The following MDN1 variants were observed in gnomAD, a reference collection of about 807,000 sequenced individuals.
MDN1 encodes the protein midasin.
In MDN1, 266 loss-of-function variants were observed where a neutral mutation model predicts 669.2. That is an observed-to-expected ratio of 0.40 (90% CI 0.36 to 0.44). The LOEUF (loss-of-function observed/expected upper bound fraction) is 0.44. Among genes scored for constraint, MDN1 ranks in the 20% least tolerant of loss-of-function variants. MDN1 has a pLI of 1.00. For missense variants in MDN1, 5,940 were observed against 6,754.0 expected (o/e 0.88, Z 4.22); for synonymous variants, 2,385 against 2,457.1 (o/e 0.97, Z 0.87).
chr6:89,669,739 G>T (rs1207978639), intron 83 of MDN1, among the ~76,000 whole-genome samples: 1 of 152,098 alleles, frequency 6.6e-6, no homozygotes, highest in Non-Finnish European at 1.5e-5. Flanking sequence ...GTGAGGTTAA[G>T]AGAGACCGAG....
At chr6:89,743,077 C>G in intron 31 of MDN1, 73 bp downstream of exon 31, 4 of 1,559,980 alleles carry the variant, frequency 2.6e-6, no homozygotes, top group Non-Finnish European at 2.6e-6. Flanking sequence ...AGTGAGAACA[C>G]TGTCTCAGGG....
Position 89,683,350 on chromosome 6 carries a change from G to C in MDN1, c.11904-20C>G. 6.2e-7 allele frequency: 1 copy of C among 1,607,068 alleles called. No individual in the cohort carries two copies. The highest frequency in any genetic ancestry group is 8.5e-7 in the Non-Finnish European group (1 of 1,175,622). ...AGTGTCCTGTCCCCAGGTAATGACA[G>C]AGATAAGAAGAAAAAAACTGGATTA... On this transcript the variant is annotated intron_variant, in intron 72 of 101. Coordinates refer to ENST00000369393, the MANE Select transcript of MDN1 (RefSeq NM_014611.3).
Position 89,793,918 on chromosome 6 carries a change from C to G in MDN1, c.699G>C (p.Lys233Asn), listed in dbSNP as rs763734582. Reference sequence around the variant, plus strand: ...CTTCTGGATTGGCCAAAACCAAGGCCTTCTCCAAGTCCTGCAACTGGGCCT... The same window carrying G: ...CTTCTGGATTGGCCAAAACCAAGGCGTTCTCCAAGTCCTGCAACTGGGCCT... The part of the protein sequence containing the change: ...LEEAQLQDLE[K>N]ALVLANPEVS... The change falls in exon 5 of 102, where the codon AAG (lysine) becomes AAC (asparagine). Residue 233 changes from lysine to asparagine, a missense_variant. Coordinates refer to ENST00000369393, the MANE Select transcript of MDN1 (RefSeq NM_014611.3). The G allele has an allele frequency of 1.9e-6, 3 of 1,614,008 alleles. No homozygotes were observed. The highest frequency in any genetic ancestry group is 2.5e-6 in the Non-Finnish European group (3 of 1,179,918).
At chr6:89,716,568 C>A in intron 44 of MDN1, 82 bp downstream of exon 44, 2 of 1,451,860 alleles carry the variant, frequency 1.4e-6, no homozygotes, top group South Asian at 1.4e-5. Flanking sequence ...TTCAAAATAC[C>A]AGCACTTCTA....
intron 58 of MDN1, 23 bp downstream of exon 58, chr6:89,699,578 T>A (rs1469729037): frequency 1.2e-6 from 2 of 1,603,268 alleles, no homozygotes; most frequent in Non-Finnish European, 1.7e-6. Context: ...TAAAGGAGGC[T>A]TATGTCTTAT....
chr6:89,756,110 A>T (rs747024125), intron 20 of MDN1, among the ~76,000 whole-genome samples, 167 bp downstream of exon 20: 1 of 152,254 alleles, frequency 6.6e-6, no homozygotes, highest in Non-Finnish European at 1.5e-5. Context: ...AAAAACCTAA[A>T]GGAGTTCATA....
Position 89,672,255 on chromosome 6 carries a change from T to C in MDN1, c.13739A>G (p.Glu4580Gly), listed in dbSNP as rs1810848305. The C allele has an allele frequency of 1.9e-6, 3 of 1,612,082 alleles. No individual in the cohort carries two copies. The highest frequency in any genetic ancestry group is 2.5e-6 in the Non-Finnish European group (3 of 1,179,634). The change falls in exon 82 of 102, where the codon GAG becomes GGG. Residue 4580 changes from glutamate to glycine, a missense_variant. Glu to Gly is a moderately conservative substitution (Grantham distance 98, BLOSUM62 -2). Transcript: ENST00000369393. ...GTACGATTTCAGCCTCTCCAACAGC[T>C]CGGAGATGGCAGAAATTATTTTCTG... is the stretch of plus-strand genomic sequence containing the variant. ...HVQKIISAIS[E>G]LLERLKSYGE...
chr6:89,748,858 G>A (rs1308215246), intron 26 of MDN1, among the ~76,000 whole-genome samples: 3 of 151,156 alleles, frequency 2.0e-5, no homozygotes, highest in Non-Finnish European at 2.9e-5. Context: ...CCAGGAGTTC[G>A]AGACCAGCCG....
chr6:89,688,497 C>G (rs925976506), intron 66 of MDN1, 76 bp downstream of exon 66: 2 of 1,374,028 alleles, frequency 1.5e-6, no homozygotes, highest in Non-Finnish European at 2.0e-6. Context: ...GTGGGTGCCC[C>G]CAGGGATAAT....
At chr6:89,662,052 G>A (rs1275869930) in intron 87 of MDN1, 35 bp downstream of exon 87, 1 of 1,592,882 alleles carries the variant, frequency 6.3e-7, no homozygotes, top group Non-Finnish European at 8.5e-7. Flanking sequence ...CTGGCCTTGA[G>A]TCAAGAGAGC....
intron 37 of MDN1, 146 bp from the exon 38 acceptor site, chr6:89,725,542 G>A: frequency 1.3e-6 from 1 of 748,034 alleles, no homozygotes; most frequent in Non-Finnish European, 2.1e-6. Flanking sequence ...TGTATTTTTG[G>A]CTGAGTTATG....
At chr6:89,679,510 G>A (rs1811455141) in intron 74 of MDN1, among the ~76,000 whole-genome samples, 1 of 152,184 alleles carries the variant, frequency 6.6e-6, no homozygotes, top group Non-Finnish European at 1.5e-5. Context: ...TGGAGACAGG[G>A]CCTTTAGAGA....
chr6:89,716,390 C>T (rs996640679), intron 44 of MDN1, among the ~76,000 whole-genome samples: 1 of 152,208 alleles, frequency 6.6e-6, no homozygotes, highest in Non-Finnish European at 1.5e-5. Flanking sequence ...ACTCAAAGGA[C>T]ATTGCCAGGA....
At chr6:89,808,616 C>T (rs138916360) in intron 1 of MDN1, among the ~76,000 whole-genome samples, 1 of 152,246 alleles carries the variant, frequency 6.6e-6, no homozygotes, top group East Asian at 1.9e-4. Context: ...GAGCTGTTCC[C>T]TCCATTCCAA....
chr6:89,701,502 G>A (rs1429594737), intron 55 of MDN1, 56 bp downstream of exon 55: 64 of 1,593,750 alleles, frequency 4.0e-5, no homozygotes, highest in Non-Finnish European at 5.2e-5. Flanking sequence ...AGTTCCAAAA[G>A]GACTTCAGAA....
At chr6:89,764,085 G>A (rs1310620319) in intron 15 of MDN1, among the ~76,000 whole-genome samples, 1 of 152,104 alleles carries the variant, frequency 6.6e-6, no homozygotes, top group Non-Finnish European at 1.5e-5. Flanking sequence ...GTGTGGTGAT[G>A]CACATTTGTA....
At chr6:89,690,867 T>G (rs1217862574) in intron 63 of MDN1, 33 bp from the exon 64 acceptor site, 3 of 1,608,492 alleles carry the variant, frequency 1.9e-6, no homozygotes, top group Admixed American at 3.4e-5. Context: ...GAAGCTGAGC[T>G]TTCTTTGCTG....
At position 89,790,390 on chromosome 6, in the gene MDN1, C is replaced by T; in HGVS notation, c.867G>A (p.Arg289=). The T allele has an allele frequency of 6.2e-7, 1 of 1,613,738 alleles. No homozygotes were observed. The highest frequency in any genetic ancestry group is 8.5e-7 in the Non-Finnish European group (1 of 1,179,952). ...CCAGCTCCTGTTCACGTGAAGAACT[C>T]CTATTACCACCCTAAAGAGGCAAGA... The part of the protein sequence containing the change: ...LPAPGELGGN[R]SSSREQELAL... The change falls in exon 6 of 102, where the codon AGG becomes AGA. Residue 289 remains arginine, a synonymous_variant. Coordinates refer to ENST00000369393, the MANE Select transcript of MDN1 (RefSeq NM_014611.3).
At chr6:89,720,399 CAA>C (rs559231591) in intron 40 of MDN1, among the ~76,000 whole-genome samples, 31 of 106,508 alleles carry the variant, frequency 2.9e-4, no homozygotes, top group Admixed American at 3.0e-4. Context: ...GACTCCATCT[CAA>C]AAAAAAAAAA....
Sources: allele counts gnomAD v4.1 joint callset (sites outside exome capture counted in the v4.1 genomes callset), GRCh38; gene constraint gnomAD v4.1.1; transcripts MANE v1.5; gene names NCBI Gene and HGNC (gene_info 2026-07-23, HGNC 2026-07-21).